Variants in CDC42 observed in about 807,000 individuals in gnomAD.
CDC42 encodes cell division control protein 42 homolog.
A neutral mutation model predicts 20.8 loss-of-function variants in CDC42; 1 was observed. That is an observed-to-expected ratio of 0.05 (90% CI 0.02 to 0.23). CDC42 has a LOEUF of 0.23. Ranked by LOEUF, CDC42 falls within the 10% of genes least tolerant of loss-of-function variation. The pLI is 1.00. For synonymous variants in CDC42, 72 were observed against 84.8 expected (o/e 0.85, Z 0.83); for missense variants, 49 against 227.9 (o/e 0.21, Z 5.05).
intron 1 of CDC42, among the ~76,000 whole-genome samples, chr1:22,062,742 A>T (rs1416420872): frequency 7.0e-6 from 1 of 142,076 alleles, no homozygotes; most frequent in African/African-American, 2.7e-5. Context: ...AAAAAAAAAA[A>T]AAAAAAAAAA....
At chr1:22,060,624 GA>G (rs1645352636) in intron 1 of CDC42, among the ~76,000 whole-genome samples, 1 of 152,060 alleles carries the variant, frequency 6.6e-6, no homozygotes, top group South Asian at 2.1e-4. Flanking sequence ...AAAAGCAGAT[GA>G]AGAGGAGTGG....
Position 22,099,758 on chromosome 1 carries a change from G to A in CDC42, c.*8241G>A, listed in dbSNP as rs1309953952. 6.6e-6 allele frequency among the ~76,000 whole-genome samples: 1 copy of A among 152,064 alleles called. No individual in the cohort carries two copies. Among genetic ancestry groups the A allele is most frequent in the Non-Finnish European group, 1.5e-5 (1 of 68,008 alleles). ...ATTGTAGGGTGCCTTTGCCCATTGT[G>A]TCATTTGGTCCTTCTTAAAATTTGA... On this transcript the variant is annotated 3_prime_UTR_variant, in exon 6 of 6. Transcript: ENST00000656825.
chr1:22,079,230 C>T (rs1473482008), intron 2 of CDC42, among the ~76,000 whole-genome samples: 1 of 151,756 alleles, frequency 6.6e-6, no homozygotes, highest in East Asian at 1.9e-4. Flanking sequence ...CCTCCGCCTC[C>T]CGGGTTCAAG....
chr1:22,054,601 G>C (rs1368429216), intron 1 of CDC42, among the ~76,000 whole-genome samples: 4 of 151,928 alleles, frequency 2.6e-5, no homozygotes, highest in African/African-American at 9.7e-5. Context: ...AATTCATGTC[G>C]AAACAAGTGC....
At chr1:22,062,729 TTAAAAAAAAAA>T (rs1557894123) in intron 1 of CDC42, among the ~76,000 whole-genome samples, 1 of 41,114 alleles carries the variant, frequency 2.4e-5, no homozygotes, top group Admixed American at 3.4e-4. Context: ...GTGGCTCTAT[TTAAAAAAAAAA>T]AAAAAAAAAA....
At chr1:22,072,243 G>A (rs760260148) in intron 1 of CDC42, among the ~76,000 whole-genome samples, 1 of 151,482 alleles carries the variant, frequency 6.6e-6, no homozygotes, top group Non-Finnish European at 1.5e-5. Context: ...AACTACAGGC[G>A]CCTGCCACCA....
chr1:22,085,512 T>C (rs770419836), intron 3 of CDC42, among the ~76,000 whole-genome samples: 2 of 152,216 alleles, frequency 1.3e-5, no homozygotes, highest in East Asian at 1.9e-4. Context: ...TTGGATAATG[T>C]TGACATGTCA....
At chr1:22,090,265 A>G (rs1409017501) in intron 5 of CDC42, 8 of 1,205,948 alleles carry the variant, frequency 6.6e-6, no homozygotes, top group Non-Finnish European at 8.3e-6. Context: ...GAGTTGCCTG[A>G]TGCTCAGAGC....
At chr1:22,078,710 T>G in intron 2 of CDC42, 127 bp downstream of exon 2, 1 of 1,506,912 alleles carries the variant, frequency 6.6e-7, no homozygotes. Context: ...TTAAAGATCT[T>G]GACTTCTCAT....
chr1:22,083,759 G>C (rs1455526399), intron 3 of CDC42, among the ~76,000 whole-genome samples: 1 of 152,096 alleles, frequency 6.6e-6, no homozygotes, highest in Non-Finnish European at 1.5e-5. Flanking sequence ...AAAATTATTT[G>C]ACCATATATG....
intron 1 of CDC42, among the ~76,000 whole-genome samples, chr1:22,076,456 G>A (rs1645551461): frequency 6.6e-6 from 1 of 151,792 alleles, no homozygotes; most frequent in Non-Finnish European, 1.5e-5. Context: ...CACACAACAA[G>A]CAGGGACTTG....
chr1:22,086,206 C>T (rs1211430160), intron 3 of CDC42, among the ~76,000 whole-genome samples: 1 of 152,118 alleles, frequency 6.6e-6, no homozygotes, highest in Non-Finnish European at 1.5e-5. Flanking sequence ...AGATTGAACA[C>T]CACAAACTGG....
intron 3 of CDC42, among the ~76,000 whole-genome samples, chr1:22,086,166 C>A (rs2124037993): frequency 6.6e-6 from 1 of 152,178 alleles, no homozygotes; most frequent in South Asian, 2.1e-4. Context: ...TTTATTATTA[C>A]ATTTATTATT....
chr1:22,090,805 A>G lies in CDC42; in HGVS notation c.487-623A>G, dbSNP rs1645708406. On this transcript the variant is annotated intron_variant, in intron 5 of 5. Coordinates refer to ENST00000656825, the MANE Select transcript of CDC42 (RefSeq NM_001791.4). ...ATTAAAAATATACAACCGTTTGTAT[A>G]AATGCCTGATGAAGCTTTATTCCTG... 7 of 985,062 alleles carry G rather than the reference A, an allele frequency of 7.1e-6. No individual in the cohort carries two copies. The South Asian group carries it at 3.3e-4, about 46-fold the overall frequency. The allele number at this position is 985,062 out of a possible 1,614,324, so 61.0% of individuals were successfully genotyped here. A position where few individuals can be genotyped will look rare whatever the true frequency, so the allele number is the denominator to read the frequency against.
At chr1:22,062,509 ACGACC>A (rs1463961182) in intron 1 of CDC42, among the ~76,000 whole-genome samples, 1 of 152,274 alleles carries the variant, frequency 6.6e-6, no homozygotes, top group East Asian at 1.9e-4. Flanking sequence ...TTGTAGACTT[ACGACC>A]AAATTACTCT....
Position 22,086,686 on chromosome 1 carries a change from T to G in CDC42, c.306T>G (p.Thr102=), listed in dbSNP as rs747386911. ...TTTTTTAGTGGGTGCCTGAGATAAC[T>G]CACCACTGTCCAAAGACTCCTTTCT... ...NVKEKWVPEI[T]HHCPKTPFLL... is the part of the protein sequence containing the mutation. Residue 102 remains threonine (T), a synonymous_variant, in exon 5 of 6, where the codon ACT becomes ACG. Transcript: ENST00000656825. 35 of 1,614,082 alleles carry G rather than the reference T, an allele frequency of 2.2e-5. No homozygotes were observed. Among genetic ancestry groups the G allele is most frequent in the Non-Finnish European group, 2.9e-5 (34 of 1,179,948 alleles).
intron 2 of CDC42, chr1:22,078,975 G>C: frequency 1.7e-6 from 1 of 601,576 alleles, no homozygotes; most frequent in Non-Finnish European, 2.4e-6. Flanking sequence ...TGTAACTTGA[G>C]AGAAAGTAGT....
chr1:22,077,155 T>TA (rs1409132447), intron 1 of CDC42, among the ~76,000 whole-genome samples: 3 of 151,738 alleles, frequency 2.0e-5, no homozygotes, highest in Admixed American at 6.6e-5. Context: ...AAACCCTGTC[T>TA]AAAAAAAAGA....
rs376872355 is a variant in CDC42, at chr1:22,058,638, A to G, written c.-51+5896A>G. 7.9e-5 allele frequency among the ~76,000 whole-genome samples: 12 copies of G among 152,044 alleles called. No individual in the cohort carries two copies. In the East Asian group the frequency reaches 1.7e-3, roughly 22 times the overall value. On this transcript the variant is annotated intron_variant, in intron 1 of 5. Transcript: ENST00000656825. ...GCTGGGATTACAGGCATGTGCCAGC[A>G]TGCCTGGCTGATCTTGTATTTTTAG...
Sources: gnomAD v4.1 joint callset for allele counts (sites outside exome capture counted in the v4.1 genomes callset) on GRCh38, gnomAD v4.1.1 for gene constraint, MANE v1.5 for transcripts, NCBI Gene and HGNC (gene_info 2026-07-23, HGNC 2026-07-21) for gene names.